Variants in CDH18 observed in about 807,000 individuals in gnomAD.
The protein encoded by CDH18 is cadherin 18.
A neutral mutation model predicts 67.9 loss-of-function variants in CDH18; 31 were observed. The ratio of observed to expected loss-of-function variants is 0.46; its 90% CI spans 0.34 to 0.62. The LOEUF is 0.62. Among genes scored for constraint, CDH18 ranks in the 20% least tolerant of loss-of-function variants. The probability of loss-of-function intolerance (pLI) is 0.01; values close to 1 mark genes in which losing one functional copy is unlikely to be tolerated. For synonymous variants in CDH18, 362 were observed against 347.2 expected, an observed-to-expected ratio of 1.04 and a Z score of -0.48; for missense variants, 890 against 975.5, an observed-to-expected ratio of 0.91 and a Z score of 1.17.
chr5:19,732,128 A>G (rs1767682287), intron 4 of CDH18, among the ~76,000 whole-genome samples: 2 of 151,590 alleles, frequency 1.3e-5, no homozygotes, highest in African/African-American at 2.4e-5. Context: ...TTTTAAAACT[A>G]TGAGAAAGGC....
At chr5:20,515,079 T>G (rs1399085159) in intron 1 of CDH18, among the ~76,000 whole-genome samples, 1 of 152,060 alleles carries the variant, frequency 6.6e-6, no homozygotes, top group Non-Finnish European at 1.5e-5. Context: ...GGCTAATCTG[T>G]GTATCTCACA....
At chr5:20,300,379 G>A (rs1055230147) in intron 1 of CDH18, among the ~76,000 whole-genome samples, 6 of 150,490 alleles carry the variant, frequency 4.0e-5, no homozygotes, top group South Asian at 2.1e-4. Flanking sequence ...TCATTCTCTC[G>A]TTTTTCCTGC....
chr5:20,370,680 T>G (rs565824733), intron 1 of CDH18, among the ~76,000 whole-genome samples: 1 of 152,308 alleles, frequency 6.6e-6, no homozygotes, highest in Admixed American at 6.5e-5. Flanking sequence ...TTTCTAAAGA[T>G]CATTCTGGCA....
At chr5:19,626,517 G>T (rs1416017037) in intron 5 of CDH18, among the ~76,000 whole-genome samples, 2 of 151,922 alleles carry the variant, frequency 1.3e-5, no homozygotes, top group East Asian at 3.9e-4. Context: ...TTGGGATAGA[G>T]GTTAAGCAAG....
intron 6 of CDH18, among the ~76,000 whole-genome samples, chr5:19,596,074 G>C (rs1746117706): frequency 1.3e-5 from 2 of 152,158 alleles, no homozygotes; most frequent in African/African-American, 4.8e-5. Context: ...TGAAGGGTAG[G>C]CAGTTTTTCA....
chr5:20,407,393 G>C (rs1746367388), intron 1 of CDH18, among the ~76,000 whole-genome samples: 1 of 151,808 alleles, frequency 6.6e-6, no homozygotes, highest in South Asian at 2.1e-4. Context: ...AGAACCCCCA[G>C]AATCTCCGGC....
At chr5:20,114,262 C>G (rs1446518419) in intron 2 of CDH18, among the ~76,000 whole-genome samples, 1 of 152,126 alleles carries the variant, frequency 6.6e-6, no homozygotes, top group Non-Finnish European at 1.5e-5. Context: ...ATATGCAGTG[C>G]CAGCTCAATA....
chr5:20,400,098 A>G (rs562172343), intron 1 of CDH18, among the ~76,000 whole-genome samples: 52 of 152,316 alleles, frequency 3.4e-4, no homozygotes, highest in Admixed American at 3.1e-3. Flanking sequence ...GGTGGTCACC[A>G]TGTTTGATAA....
At chr5:20,208,319 C>T (rs925602989) in intron 2 of CDH18, among the ~76,000 whole-genome samples, 6 of 152,074 alleles carry the variant, frequency 3.9e-5, no homozygotes, top group Admixed American at 2.0e-4. Context: ...GGAAACTGCC[C>T]CCTTGATTCA....
intron 2 of CDH18, among the ~76,000 whole-genome samples, chr5:20,087,018 A>T (rs1745015180): frequency 6.6e-6 from 1 of 152,322 alleles, no homozygotes; most frequent in South Asian, 2.1e-4. Flanking sequence ...TCTGGAAATG[A>T]TTTACTTTTC....
intron 2 of CDH18, among the ~76,000 whole-genome samples, chr5:20,134,007 C>G (rs955937190): frequency 6.6e-6 from 1 of 152,124 alleles, no homozygotes; most frequent in Non-Finnish European, 1.5e-5. Context: ...TTGAGACAGT[C>G]TTGCTGGAGT....
intron 2 of CDH18, among the ~76,000 whole-genome samples, chr5:20,249,661 C>T (rs1007295526): frequency 6.6e-6 from 1 of 152,084 alleles, no homozygotes; most frequent in Non-Finnish European, 1.5e-5. Flanking sequence ...TTAGCCACCG[C>T]GCCCGGCCTA....
chr5:20,224,587 C>A (rs10055314), intron 2 of CDH18, among the ~76,000 whole-genome samples: 103,325 of 150,960 alleles, frequency 0.68, 35,768 homozygotes, highest in African/African-American at 0.8. Context: ...GATAAGCTCT[C>A]ATTAATATTG....
At chr5:20,262,841 T>C (rs906038797) in intron 1 of CDH18, among the ~76,000 whole-genome samples, 1 of 151,794 alleles carries the variant, frequency 6.6e-6, no homozygotes, top group Non-Finnish European at 1.5e-5. Context: ...TGCCTTTGCA[T>C]ACATCAAGGA....
At chr5:19,490,516 G>C (rs1025948628) in intron 11 of CDH18, among the ~76,000 whole-genome samples, 3 of 141,348 alleles carry the variant, frequency 2.1e-5, no homozygotes, top group African/African-American at 7.8e-5. Flanking sequence ...GCGGGTTCAA[G>C]TGATTCTCCT....
chr5:19,727,369 TACACAGGCATA>T lies in CDH18; in HGVS notation c.524-5914_524-5904del, dbSNP rs566123820. ...TGAAAAATGTGGAGAAAGGTACATA[TACACAGGCATA>T]ACATCATGTGAAGATGAATGTAAAT... On this transcript the variant is annotated intron_variant, in intron 4 of 12. Transcript: ENST00000382275. Among the ~76,000 whole-genome samples, 38 of 152,246 alleles carry T rather than the reference TACACAGGCATA, an allele frequency of 2.5e-4. No homozygotes were observed. In the South Asian group the frequency reaches 6.8e-3, roughly 27 times the overall value.
At chr5:20,094,481 T>C (rs1745710927) in intron 2 of CDH18, among the ~76,000 whole-genome samples, 1 of 152,164 alleles carries the variant, frequency 6.6e-6, no homozygotes, top group South Asian at 2.1e-4. Flanking sequence ...TTAAAGTAGT[T>C]TTTTCTAATT....
At chr5:20,350,705 G>T (rs1741096240) in intron 1 of CDH18, among the ~76,000 whole-genome samples, 1 of 152,042 alleles carries the variant, frequency 6.6e-6, no homozygotes, top group Non-Finnish European at 1.5e-5. Context: ...TATTCAGTGT[G>T]CTCTCTGGAG....
intron 5 of CDH18, among the ~76,000 whole-genome samples, chr5:19,698,607 G>GA (rs1561078400): frequency 6.6e-6 from 1 of 151,760 alleles, no homozygotes; most frequent in Admixed American, 6.6e-5. Flanking sequence ...TGTAAAATAG[G>GA]AATCAATGTA....
Sources: gnomAD v4.1 joint callset for allele counts (sites outside exome capture counted in the v4.1 genomes callset) on GRCh38, gnomAD v4.1.1 for gene constraint, MANE v1.5 for transcripts, NCBI Gene and HGNC (gene_info 2026-07-23, HGNC 2026-07-21) for gene names.